The following KNTC1 variants were observed in gnomAD, a reference collection of about 807,000 sequenced individuals.
KNTC1 encodes kinetochore-associated protein 1.
KNTC1 carries 253 observed loss-of-function variants against 314.4 expected under a neutral mutation model. That is an observed-to-expected ratio of 0.80 (90% CI 0.73 to 0.89). The LOEUF is 0.89. KNTC1 is among the 40% of genes least tolerant of loss of function. KNTC1 has a pLI of 0.00. For missense variants in KNTC1, 2,475 were observed against 2,572.9 expected (o/e 0.96, Z 0.82); for synonymous variants, 901 against 901.4 (o/e 1.00, Z 0.01).
chr12:122,588,104 CA>C (rs1280824888), intron 39 of KNTC1, among the ~76,000 whole-genome samples: 24 of 152,202 alleles, frequency 1.6e-4, no homozygotes, highest in African/African-American at 5.3e-4. Context: ...TTCCAGTTTA[CA>C]AATGTGGAAG....
chr12:122,528,169 AC>A, intron 1 of KNTC1, among the ~76,000 whole-genome samples: 1 of 152,220 alleles, frequency 6.6e-6, no homozygotes, highest in East Asian at 1.9e-4. Flanking sequence ...TATGGCAGTT[AC>A]GGGCGGTTTC....
chr12:122,580,996 C>G (rs1965386506), intron 33 of KNTC1, among the ~76,000 whole-genome samples: 1 of 149,324 alleles, frequency 6.7e-6, no homozygotes, highest in South Asian at 2.1e-4. Flanking sequence ...CCACTGGACT[C>G]CAGCCTGGGT....
intron 12 of KNTC1, among the ~76,000 whole-genome samples, chr12:122,549,180 G>C (rs1215735070): frequency 6.6e-6 from 1 of 151,086 alleles, no homozygotes; most frequent in Non-Finnish European, 1.5e-5. Context: ...AGCCTCCCAA[G>C]TAGCTGGGAT....
chr12:122,541,993 G>T, intron 5 of KNTC1, 57 bp from the exon 6 acceptor site: 2 of 1,450,380 alleles, frequency 1.4e-6, no homozygotes, highest in South Asian at 2.7e-5. Context: ...CCAGCCTAGC[G>T]ACAGAATGAG....
intron 51 of KNTC1, among the ~76,000 whole-genome samples, chr12:122,606,516 C>A (rs1002118722): frequency 6.6e-5 from 10 of 152,208 alleles, no homozygotes; most frequent in South Asian, 2.1e-4. Flanking sequence ...CCACGCCTGG[C>A]CTGTGGTTGC....
At chr12:122,595,762 T>G (rs1370484362) in intron 43 of KNTC1, among the ~76,000 whole-genome samples, 1 of 152,272 alleles carries the variant, frequency 6.6e-6, no homozygotes, top group Non-Finnish European at 1.5e-5. Flanking sequence ...TACTGCTAGA[T>G]TCTTCTGTGA....
intron 5 of KNTC1, among the ~76,000 whole-genome samples, chr12:122,541,028 A>G (rs1284749577): frequency 6.6e-6 from 1 of 151,848 alleles, no homozygotes; most frequent in Non-Finnish European, 1.5e-5. Context: ...AAAATTAGCC[A>G]CATGTGTTGG....
intron 57 of KNTC1, among the ~76,000 whole-genome samples, chr12:122,616,579 G>A (rs967317118): frequency 1.3e-5 from 2 of 152,092 alleles, no homozygotes; most frequent in African/African-American, 4.8e-5. Context: ...CTGTTTTACA[G>A]GCATGTATGC....
At position 122,554,076 on chromosome 12, in the gene KNTC1, A is replaced by ATATATATAT. The variant is rs1555224817; in HGVS notation, c.1272+2380_1272+2381insTATATATAT. On this transcript the variant is annotated intron_variant, in intron 16 of 63. Coordinates refer to ENST00000333479, the MANE Select transcript of KNTC1 (RefSeq NM_014708.6). ...CAGAATACTTCCTTAAAAAAAAAAAAATATATATATATATATATATATATT... is the reference window on the plus strand; with the variant it reads ...CAGAATACTTCCTTAAAAAAAAAAAATATATATATATATATATATATATATATATATATT... 1.2e-3 allele frequency among the ~76,000 whole-genome samples: 135 copies of ATATATATAT among 109,026 alleles called. 1 individual carries two copies. The highest frequency in any genetic ancestry group is 4.8e-3 in the Middle Eastern group (1 of 208). The allele number at this position is 109,026 out of a possible 152,430, so 71.5% of individuals were successfully genotyped here.
At chr12:122,548,679 A>G (rs554858091) in intron 12 of KNTC1, among the ~76,000 whole-genome samples, 1 of 152,258 alleles carries the variant, frequency 6.6e-6, no homozygotes, top group South Asian at 2.1e-4. Flanking sequence ...TAAATCATAT[A>G]GTAACAAGCT....
chr12:122,557,339 A>T, intron 16 of KNTC1, 45 bp from the exon 17 acceptor site: 1 of 1,580,550 alleles, frequency 6.3e-7, no homozygotes, highest in Non-Finnish European at 8.6e-7. Context: ...ATCCACAGGT[A>T]TTATTGTACT....
chr12:122,584,871 A>G (rs755067767), intron 35 of KNTC1, 22 bp from the exon 36 acceptor site: 2 of 1,185,710 alleles, frequency 1.7e-6, no homozygotes, highest in South Asian at 2.6e-5. Flanking sequence ...GAGTTTAATG[A>G]TTTTTCTCCA....
chr12:122,602,825 C>G lies in KNTC1; in HGVS notation c.4826-4C>G. 1 of 1,612,578 alleles carries G rather than the reference C, an allele frequency of 6.2e-7. No homozygotes were observed. The highest frequency in any genetic ancestry group is 8.5e-7 in the Non-Finnish European group (1 of 1,179,084). ...AAATCGTACTTTCCTTGTTTCCTTT[C>G]TAGCTACAGAACTCAGTGAAGAATC... On this transcript the variant is annotated splice_region_variant and splice_polypyrimidine_tract_variant and intron_variant, in intron 46 of 63. Transcript: ENST00000333479.
chr12:122,531,263 G>A (rs549466364), intron 2 of KNTC1, among the ~76,000 whole-genome samples: 2 of 152,114 alleles, frequency 1.3e-5, no homozygotes, highest in Admixed American at 6.6e-5. Flanking sequence ...TTGCTGTGGT[G>A]CTATCTCGGC....
intron 43 of KNTC1, among the ~76,000 whole-genome samples, chr12:122,595,220 G>A (rs752081110): frequency 5.9e-5 from 9 of 152,178 alleles, no homozygotes; most frequent in Admixed American, 1.3e-4. Context: ...TATAGATTCC[G>A]CTGACTTTGA....
chr12:122,577,838 C>T (rs769231453), intron 31 of KNTC1, 47 bp downstream of exon 31: 2 of 1,526,448 alleles, frequency 1.3e-6, no homozygotes, highest in South Asian at 2.3e-5. Context: ...ATTTTTATGG[C>T]TATTAATCAA....
rs371100770 is a variant in KNTC1 at position 122,554,780 on chromosome 12, T to C, written c.1273-2604T>C. Among the ~76,000 whole-genome samples, 16 of 152,334 alleles carry C rather than the reference T, an allele frequency of 1.1e-4. No individual in the cohort carries two copies. The East Asian group carries it at 1.7e-3, about 17-fold the overall frequency. ...CAGAACCAGAGAGTCCCTGTCAAAGTTGGTATTGTGTCCATAGGAAACAGA... is the reference window on the plus strand; with the variant it reads ...CAGAACCAGAGAGTCCCTGTCAAAGCTGGTATTGTGTCCATAGGAAACAGA... On this transcript the variant is annotated intron_variant, in intron 16 of 63. Coordinates refer to ENST00000333479, the MANE Select transcript of KNTC1 (RefSeq NM_014708.6).
chr12:122,605,927 G>A (rs1872537652), intron 51 of KNTC1, among the ~76,000 whole-genome samples: 1 of 150,546 alleles, frequency 6.6e-6, no homozygotes, highest in African/African-American at 2.4e-5. Context: ...CTGCAGACTC[G>A]AATTCCTAGG....
At chr12:122,625,070 A>T (rs965214117) in intron 63 of KNTC1, among the ~76,000 whole-genome samples, 1 of 152,176 alleles carries the variant, frequency 6.6e-6, no homozygotes, top group African/African-American at 2.4e-5. Flanking sequence ...TAAATTAATT[A>T]TTATTCTTTA....
Sources: gnomAD v4.1 joint callset for allele counts (sites outside exome capture counted in the v4.1 genomes callset) on GRCh38, gnomAD v4.1.1 for gene constraint, MANE v1.5 for transcripts, NCBI Gene and HGNC (gene_info 2026-07-23, HGNC 2026-07-21) for gene names.